Variants in DNAH3 observed in about 807,000 individuals in gnomAD.
DNAH3 encodes the protein dynein axonemal heavy chain 3, also known as axonemal beta dynein heavy chain 3.
A neutral mutation model predicts 432.5 loss-of-function variants in DNAH3; 332 were observed. The ratio of observed to expected loss-of-function variants is 0.77; its 90% confidence interval spans 0.70 to 0.84. The LOEUF (loss-of-function observed/expected upper bound fraction) is 0.84, where lower values mean the gene tolerates loss of function less well. Among genes scored for constraint, DNAH3 ranks in the 40% least tolerant of loss-of-function variants. DNAH3 has a pLI of 0.00. For missense variants in DNAH3, 4,861 were observed against 5,114.0 expected (o/e 0.95, Z 1.51); for synonymous variants, 1,956 against 1,900.2 (o/e 1.03, Z -0.76).
chr16:21,062,524 T>C (rs756504392), exon 25 of DNAH3: 2 of 1,614,108 alleles, frequency 1.2e-6, no homozygotes, highest in African/African-American at 2.7e-5. Context: ...ATGGAACAGT[T>C]TCTTTTTCCG....
Position 21,026,669 on chromosome 16 carries a change from C to T in DNAH3, c.5540+358G>A, listed in dbSNP as rs562698258. Among the ~76,000 whole-genome samples the T allele has an allele frequency of 2.2e-4, 31 of 140,612 alleles. No individual in the cohort carries two copies. In the South Asian group the frequency reaches 7.1e-3, roughly 32 times the overall value. The allele number at this position is 140,612 out of a possible 152,430, so 92.2% of individuals were successfully genotyped here. The stretch of plus-strand genomic sequence containing the variant: ...TGAGTCGAGATCATGCCACGGGACT[C>T]CAGCCTGGGTGACAGAGTGATACTC... On this transcript the variant is annotated intron_variant, in intron 38 of 61. Coordinates refer to ENST00000261383, the Ensembl canonical transcript of DNAH3.
At chr16:20,947,566 C>T (rs1013910500) in intron 57 of DNAH3, among the ~76,000 whole-genome samples, 3 of 152,036 alleles carry the variant, frequency 2.0e-5, no homozygotes. Context: ...CTGACACTAT[C>T]ACCAGGTAGA....
chr16:20,987,574 CACA>C, intron 46 of DNAH3, 116 bp downstream of exon 46: 1 of 1,535,024 alleles, frequency 6.5e-7, no homozygotes, highest in Non-Finnish European at 8.9e-7. Flanking sequence ...AAATGCTTAG[CACA>C]ATGCCTAGCA....
At chr16:21,019,969 A>G in intron 40 of DNAH3, 100 bp from the exon 41 acceptor site, 1 of 1,372,554 alleles carries the variant, frequency 7.3e-7, no homozygotes, top group South Asian at 1.4e-5. Flanking sequence ...CTGGGCCAGA[A>G]GGGCGACTGA....
chr16:21,024,944 A>G (rs1038597196), intron 38 of DNAH3, among the ~76,000 whole-genome samples: 6 of 152,058 alleles, frequency 3.9e-5, no homozygotes, highest in Non-Finnish European at 8.8e-5. Flanking sequence ...GTTTGTTTGG[A>G]GACAGTGTCT....
At chr16:21,070,819 T>G in exon 22 of DNAH3, 1 of 1,593,844 alleles carries the variant, frequency 6.3e-7, no homozygotes, top group Non-Finnish European at 8.6e-7. Flanking sequence ...ACACAAGATG[T>G]TTGTATCCTG....
chr16:21,133,341 T>TAACAA (rs2092595894), intron 7 of DNAH3, among the ~76,000 whole-genome samples: 1 of 127,700 alleles, frequency 7.8e-6, no homozygotes, highest in Non-Finnish European at 1.6e-5. Context: ...CCAGCCTGGG[T>TAACAA]GACAGGGTGA....
chr16:20,964,851 A>G (rs2084982065), exon 53 of DNAH3: 2 of 1,613,994 alleles, frequency 1.2e-6, no homozygotes, highest in Non-Finnish European at 1.7e-6. Context: ...CCACTGTAAA[A>G]GCGCCCAGGT....
intron 54 of DNAH3, among the ~76,000 whole-genome samples, chr16:20,957,639 C>T (rs2084621641): frequency 6.6e-6 from 1 of 151,328 alleles, no homozygotes; most frequent in Non-Finnish European, 1.5e-5. Context: ...ATGGAGAAAC[C>T]CCATCTCTAC....
rs370342487 is a variant in DNAH3, at chr16:21,075,861, G to A, written c.2970-300C>T. On this transcript the variant is annotated intron_variant, in intron 20 of 61. Coordinates refer to ENST00000261383, the Ensembl canonical transcript of DNAH3. The stretch of plus-strand genomic sequence containing the variant: ...GGAGGTAGAGGCTGCAGTGAGCTGA[G>A]ATCGTGATTTCACCACTGCACTCCA... Among the ~76,000 whole-genome samples, 68 of 127,876 alleles carry A rather than the reference G, an allele frequency of 5.3e-4. 1 individual carries two copies. The East Asian group carries it at 0.016, about 30-fold the overall frequency. 83.9% of individuals were successfully genotyped at this position (127,876 alleles called of 152,430 possible).
chr16:21,125,349 C>A (rs1191334412), exon 9 of DNAH3: 1 of 1,607,780 alleles, frequency 6.2e-7, no homozygotes, highest in Admixed American at 1.7e-5. Context: ...AGGTAAAAAG[C>A]TGGGCGCAGG....
intron 14 of DNAH3, 74 bp downstream of exon 14, chr16:21,111,550 TGC>T: frequency 1.4e-6 from 2 of 1,408,714 alleles, no homozygotes; most frequent in East Asian, 4.6e-5. Context: ...TGCTGGAAGG[TGC>T]AAGTTCTGGT....
chr16:20,937,097 G>C (rs2083619298), intron 59 of DNAH3, among the ~76,000 whole-genome samples: 1 of 152,098 alleles, frequency 6.6e-6, no homozygotes, highest in African/African-American at 2.4e-5. Flanking sequence ...TCCGTAATCT[G>C]TTTTTCTTTC....
chr16:21,110,393 T>C (rs1020869679), intron 14 of DNAH3, among the ~76,000 whole-genome samples: 13 of 152,234 alleles, frequency 8.5e-5, no homozygotes, highest in Non-Finnish European at 1.6e-4. Context: ...CCAAGGATGA[T>C]AGAAAAAGAA....
exon 55 of DNAH3, chr16:20,955,051 C>A: frequency 1.2e-6 from 2 of 1,605,096 alleles, no homozygotes; most frequent in Non-Finnish European, 1.7e-6. Context: ...AGCTGGTTAG[C>A]CAGAGTCTGG....
At chr16:21,088,941 C>A (rs1436378943) in intron 18 of DNAH3, among the ~76,000 whole-genome samples, 1 of 152,162 alleles carries the variant, frequency 6.6e-6, no homozygotes. Context: ...TATTCTAACT[C>A]CCCACTAAAT....
At chr16:21,120,981 T>C (rs2092326897) in intron 10 of DNAH3, 1 of 742,754 alleles carries the variant, frequency 1.3e-6, no homozygotes. Flanking sequence ...ATGGAGTACT[T>C]AGAACCCTGT....
chr16:21,137,095 C>T lies in DNAH3; in HGVS notation c.697-582G>A, dbSNP rs2092653772. 2.0e-5 allele frequency among the ~76,000 whole-genome samples: 3 copies of T among 152,114 alleles called. No homozygotes were observed. In the South Asian group the frequency reaches 6.2e-4, roughly 32 times the overall value. On this transcript the variant is annotated intron_variant, in intron 5 of 61. Transcript: ENST00000261383. ...GTTGCAGTGAGCCAAGGTCATGCCA[C>T]TGCACTCCAGCCTGGGTGACCAATC...
intron 40 of DNAH3, among the ~76,000 whole-genome samples, chr16:21,021,260 A>G (rs1371109663): frequency 6.6e-6 from 1 of 152,186 alleles, no homozygotes; most frequent in Non-Finnish European, 1.5e-5. Context: ...CTAAGGTGAA[A>G]GTGCTGGATC....
Sources: allele counts gnomAD v4.1 joint callset (sites outside exome capture counted in the v4.1 genomes callset), GRCh38; gene constraint gnomAD v4.1.1; transcripts MANE v1.5; gene names NCBI Gene and HGNC (gene_info 2026-07-23, HGNC 2026-07-21).